Variants in COMMD10 observed in about 807,000 individuals in gnomAD.
COMMD10 encodes the protein COMM domain containing 10.
A neutral mutation model predicts 28.9 loss-of-function variants in COMMD10; 33 were observed. The ratio of observed to expected loss-of-function variants is 1.14; its 90% CI spans 0.87 to 1.53. The LOEUF (loss-of-function observed/expected upper bound fraction) is 1.53, where lower values mean the gene tolerates loss of function less well. COMMD10 is among the 40% of genes most tolerant of loss of function. The pLI is 0.00. For missense variants in COMMD10, 310 were observed against 233.4 expected, an observed-to-expected ratio of 1.33 and a Z score of -2.14; for synonymous variants, 110 against 81.7, an observed-to-expected ratio of 1.35 and a Z score of -1.87.
At chr5:116,120,559 ATTTTCC>A (rs1382140679) in intron 4 of COMMD10, among the ~76,000 whole-genome samples, 1 of 152,046 alleles carries the variant, frequency 6.6e-6, no homozygotes, top group Non-Finnish European at 1.5e-5. Flanking sequence ...CAAAAGTTTC[ATTTTCC>A]TTTGCAGTCC....
At chr5:116,258,051 A>T (rs1335617661) in intron 5 of COMMD10, among the ~76,000 whole-genome samples, 1 of 151,758 alleles carries the variant, frequency 6.6e-6, no homozygotes, top group African/African-American at 2.4e-5. Flanking sequence ...TGATGTTTCC[A>T]TATCAATACA....
intron 5 of COMMD10, among the ~76,000 whole-genome samples, chr5:116,191,518 C>CT (rs1266061207): frequency 2.0e-5 from 3 of 151,794 alleles, no homozygotes; most frequent in Non-Finnish European, 4.4e-5. Context: ...TGACTGCCAG[C>CT]TTTCCCCCAC....
At chr5:116,258,528 C>T (rs948921145) in intron 5 of COMMD10, among the ~76,000 whole-genome samples, 2 of 151,530 alleles carry the variant, frequency 1.3e-5, no homozygotes, top group Non-Finnish European at 2.9e-5. Context: ...CCTGTTTTTG[C>T]ATGACTGAAA....
intron 5 of COMMD10, among the ~76,000 whole-genome samples, chr5:116,261,752 A>G (rs959145985): frequency 3.3e-5 from 5 of 151,548 alleles, no homozygotes; most frequent in Admixed American, 1.3e-4. Flanking sequence ...TCACTTATCA[A>G]CTTAAACTGT....
intron 4 of COMMD10, among the ~76,000 whole-genome samples, chr5:116,100,531 T>G (rs1203583523): frequency 6.6e-6 from 1 of 151,658 alleles, no homozygotes; most frequent in East Asian, 1.9e-4. Flanking sequence ...TTTTTTTTTT[T>G]TGCATGTAGA....
chr5:116,220,050 G>A (rs1749206240), intron 5 of COMMD10, among the ~76,000 whole-genome samples: 1 of 150,766 alleles, frequency 6.6e-6, no homozygotes, highest in African/African-American at 2.4e-5. Context: ...CGGAGCCCAG[G>A]TTATTCTAAC....
At chr5:116,147,236 G>A (rs993189529) in intron 5 of COMMD10, among the ~76,000 whole-genome samples, 4 of 151,878 alleles carry the variant, frequency 2.6e-5, no homozygotes, top group African/African-American at 7.2e-5. Context: ...ATATGCTGGA[G>A]ATTGATATTC....
chr5:116,267,876 T>G (rs1750635265), intron 5 of COMMD10, among the ~76,000 whole-genome samples: 2 of 152,002 alleles, frequency 1.3e-5, no homozygotes, highest in African/African-American at 4.8e-5. Context: ...TAAATGGTGC[T>G]GGGAAAACTG....
intron 5 of COMMD10, among the ~76,000 whole-genome samples, chr5:116,196,515 A>G (rs982581535): frequency 1.3e-5 from 2 of 151,970 alleles, no homozygotes; most frequent in Non-Finnish European, 2.9e-5. Context: ...TGTTAAAAAA[A>G]AAAAGTAATA....
chr5:116,187,938 G>A (rs892282392), intron 5 of COMMD10, among the ~76,000 whole-genome samples: 4 of 152,134 alleles, frequency 2.6e-5, no homozygotes, highest in Admixed American at 1.3e-4. Flanking sequence ...TGTAATCACA[G>A]AAGCAGTTTG....
At chr5:116,282,835 A>T (rs1344986001) in intron 5 of COMMD10, among the ~76,000 whole-genome samples, 3 of 151,862 alleles carry the variant, frequency 2.0e-5, no homozygotes, top group Non-Finnish European at 4.4e-5. Context: ...CTGTCTCCAA[A>T]CAAAGTCACC....
intron 5 of COMMD10, among the ~76,000 whole-genome samples, chr5:116,251,846 C>A (rs1750128453): frequency 1.3e-5 from 2 of 152,072 alleles, no homozygotes; most frequent in African/African-American, 4.8e-5. Context: ...ATTTCTAGTT[C>A]TAGATCCCTG....
At chr5:116,277,720 C>G (rs955092174) in intron 5 of COMMD10, among the ~76,000 whole-genome samples, 2 of 151,860 alleles carry the variant, frequency 1.3e-5, no homozygotes, top group Non-Finnish European at 2.9e-5. Context: ...ACTAAATTGT[C>G]AAATTAACCT....
chr5:116,119,184 G>A (rs1476724578), intron 4 of COMMD10, among the ~76,000 whole-genome samples: 1 of 152,138 alleles, frequency 6.6e-6, no homozygotes, highest in African/African-American at 2.4e-5. Context: ...CCAGTCTTAT[G>A]ATTTGGTACT....
intron 2 of COMMD10, 70 bp from the exon 3 acceptor site, chr5:116,091,009 T>C (rs767836709): frequency 2.3e-6 from 2 of 863,758 alleles, no homozygotes; most frequent in Non-Finnish European, 3.6e-6. Flanking sequence ...AATAAATGAA[T>C]CTTCTGTCAA....
intron 5 of COMMD10, among the ~76,000 whole-genome samples, chr5:116,237,846 A>G (rs33267): frequency 0.39 from 58,945 of 152,028 alleles, 14,060 homozygotes; most frequent in Non-Finnish European, 0.53. Flanking sequence ...AATATCATCA[A>G]CTCCTACTGA....
At chr5:116,163,209 G>C (rs1266615183) in intron 5 of COMMD10, among the ~76,000 whole-genome samples, 1 of 127,858 alleles carries the variant, frequency 7.8e-6, no homozygotes, top group Non-Finnish European at 1.6e-5. Context: ...TCTAGTAGCT[G>C]GATCTTAGAT....
chr5:116,266,804 A>G (rs1400984657), intron 5 of COMMD10, among the ~76,000 whole-genome samples: 3 of 151,800 alleles, frequency 2.0e-5, no homozygotes, highest in South Asian at 2.1e-4. Context: ...ACGCAAATCA[A>G]TGAATGTAAT....
At chr5:116,202,350 G>A (rs1748691753) in intron 5 of COMMD10, among the ~76,000 whole-genome samples, 5 of 151,782 alleles carry the variant, frequency 3.3e-5, no homozygotes, top group Admixed American at 3.3e-4. Flanking sequence ...AAACATACGT[G>A]TGCATGTGTC....
Sources: gnomAD v4.1 joint callset for allele counts (sites outside exome capture counted in the v4.1 genomes callset) on GRCh38, gnomAD v4.1.1 for gene constraint, MANE v1.5 for transcripts, NCBI Gene and HGNC (gene_info 2026-07-23, HGNC 2026-07-21) for gene names.